The following DDAH1 variants were observed in gnomAD, a reference collection of about 807,000 sequenced individuals.
The protein encoded by DDAH1 is N(G),N(G)-dimethylarginine dimethylaminohydrolase 1.
Under a neutral mutation model 28.8 loss-of-function variants are expected in DDAH1, and 19 were observed. The ratio of observed to expected loss-of-function variants is 0.66; its 90% CI spans 0.46 to 0.97. The LOEUF (loss-of-function observed/expected upper bound fraction) is 0.97. Among genes scored for constraint, DDAH1 ranks in the 50% least tolerant of loss-of-function variants. The pLI is 0.00. For synonymous variants in DDAH1, 153 were observed against 154.4 expected (o/e 0.99, Z 0.07); for missense variants, 326 against 375.9 (o/e 0.87, Z 1.10).
intron 1 of DDAH1, among the ~76,000 whole-genome samples, chr1:85,439,803 G>A (rs868240172): frequency 6.6e-6 from 1 of 152,110 alleles, no homozygotes; most frequent in Admixed American, 6.5e-5. Context: ...CAATTTTTCC[G>A]TAATGAATGG....
intron 1 of DDAH1, among the ~76,000 whole-genome samples, chr1:85,397,033 T>C: frequency 1.2e-5 from 1 of 83,576 alleles, no homozygotes; most frequent in Admixed American, 1.2e-4. Flanking sequence ...TGAGACCCTG[T>C]CTTAAAAAAA....
At chr1:85,507,527 T>TAAATAAATAAACAAAC (rs71075841) in intron 1 of DDAH1, among the ~76,000 whole-genome samples, 2,927 of 149,298 alleles carry the variant, frequency 0.02, 65 homozygotes, top group African/African-American at 0.054. Context: ...AATAAATAAA[T>TAAATAAATAAACAAAC]AAACAAACAA....
At chr1:85,465,760 C>T (rs1655356837), upstream of DDAH1, among the ~76,000 whole-genome samples, 1 of 152,120 alleles carries the variant, frequency 6.6e-6, no homozygotes, top group Non-Finnish European at 1.5e-5. Context: ...TAACACCATC[C>T]TCTACCCCCC....
intron 1 of DDAH1, among the ~76,000 whole-genome samples, chr1:85,562,793 G>A (rs1489736830): frequency 6.6e-6 from 1 of 152,180 alleles, no homozygotes; most frequent in Non-Finnish European, 1.5e-5. Flanking sequence ...CTCCAGAACT[G>A]TGAAAGAATA....
At chr1:85,567,217 C>A (rs1659330077) in intron 1 of DDAH1, among the ~76,000 whole-genome samples, 1 of 152,128 alleles carries the variant, frequency 6.6e-6, no homozygotes, top group Non-Finnish European at 1.5e-5. Context: ...CATCTGGGAC[C>A]CTGTAGCCCT....
At chr1:85,475,037 ATTAAC>A (rs1298304940) in intron 2 of DDAH1, among the ~76,000 whole-genome samples, 2 of 152,166 alleles carry the variant, frequency 1.3e-5, no homozygotes, top group African/African-American at 4.8e-5. Flanking sequence ...ACTAAATTAA[ATTAAC>A]TTAGACAACA....
intron 1 of DDAH1, among the ~76,000 whole-genome samples, chr1:85,439,075 A>G (rs1433808252): frequency 1.3e-5 from 2 of 152,204 alleles, no homozygotes; most frequent in Non-Finnish European, 2.9e-5. Flanking sequence ...GAGTTGTAAA[A>G]ATTAAGTGAG....
intron 1 of DDAH1, among the ~76,000 whole-genome samples, chr1:85,571,016 A>G (rs562032700): frequency 3.3e-5 from 5 of 152,326 alleles, no homozygotes; most frequent in Admixed American, 1.3e-4. Context: ...GTTTGGTCAC[A>G]TTCTAACTGT....
At position 85,491,098 on chromosome 1, in the gene DDAH1, G is replaced by A. The variant is rs538232026; in HGVS notation, c.-7+5068C>T. Among the ~76,000 whole-genome samples the A allele has an allele frequency of 3.3e-4, 48 of 144,890 alleles. 1 individual carries two copies. In the Middle Eastern group the frequency reaches 0.011, roughly 34 times the overall value. ...GTCTTGCTCTGTTGCCTAGGCTGGA[G>A]TGCAGTGGTGTGATCTCCACTCACT... On this transcript the variant is annotated intron_variant, in intron 2 of 6. Transcript: ENST00000426972.
intron 1 of DDAH1, among the ~76,000 whole-genome samples, chr1:85,430,709 T>C (rs1653643128): frequency 6.6e-6 from 1 of 152,142 alleles, no homozygotes; most frequent in Admixed American, 6.5e-5. Context: ...TATTGGTGTA[T>C]AGGAGTGCTT....
intron 2 of DDAH1, among the ~76,000 whole-genome samples, chr1:85,358,243 T>C (rs921552009): frequency 2.6e-5 from 4 of 152,244 alleles, no homozygotes; most frequent in Non-Finnish European, 5.9e-5. Flanking sequence ...AGGACATATA[T>C]ACTAAATACT....
chr1:85,433,393 A>G (rs1369327955), intron 1 of DDAH1, among the ~76,000 whole-genome samples: 1 of 152,200 alleles, frequency 6.6e-6, no homozygotes, highest in African/African-American at 2.4e-5. Flanking sequence ...TGGAAAATGC[A>G]TCAAGTATGT....
At chr1:85,449,516 T>G (rs1654573691) in intron 1 of DDAH1, among the ~76,000 whole-genome samples, 1 of 152,056 alleles carries the variant, frequency 6.6e-6, no homozygotes, top group Non-Finnish European at 1.5e-5. Flanking sequence ...AAGGGACACT[T>G]TATTTCTTCT....
chr1:85,342,744 C>T (rs1428104243), intron 4 of DDAH1, among the ~76,000 whole-genome samples: 4 of 152,128 alleles, frequency 2.6e-5, no homozygotes, highest in African/African-American at 4.8e-5. Context: ...GCACATTATT[C>T]GGGATTGTAA....
chr1:85,565,054 T>C (rs373305439), intron 1 of DDAH1, among the ~76,000 whole-genome samples: 1 of 149,536 alleles, frequency 6.7e-6, no homozygotes, highest in Non-Finnish European at 1.5e-5. Flanking sequence ...AAAAAAAGAT[T>C]AGTTGAGTGT....
intron 2 of DDAH1, among the ~76,000 whole-genome samples, chr1:85,484,017 A>G (rs1457801415): frequency 2.0e-5 from 3 of 152,142 alleles, no homozygotes; most frequent in Non-Finnish European, 4.4e-5. Context: ...CCCAGTTTGC[A>G]AAGATTTAAA....
At chr1:85,488,320 G>C (rs1656274389) in intron 2 of DDAH1, 1 of 152,194 alleles carries the variant, frequency 6.6e-6, no homozygotes, top group Non-Finnish European at 1.5e-5. Flanking sequence ...CCAAGATCAG[G>C]GCACCAGCAT....
chr1:85,495,386 C>T (rs992592627), intron 2 of DDAH1: 1 of 152,084 alleles, frequency 6.6e-6, no homozygotes, highest in Non-Finnish European at 1.5e-5. Flanking sequence ...AGCATTTGTA[C>T]ATTAAAAATA....
intron 1 of DDAH1, among the ~76,000 whole-genome samples, chr1:85,421,829 T>C (rs989385649): frequency 7.9e-5 from 12 of 152,236 alleles, no homozygotes; most frequent in African/African-American, 2.9e-4. Context: ...TGTTTATCCA[T>C]TCACATATAG....
Sources: allele counts gnomAD v4.1 joint callset (sites outside exome capture counted in the v4.1 genomes callset), GRCh38; gene constraint gnomAD v4.1.1; transcripts MANE v1.5; gene names NCBI Gene and HGNC (gene_info 2026-07-23, HGNC 2026-07-21).